The following CSMD3 variants were observed in gnomAD, a reference collection of about 807,000 sequenced individuals.
The protein encoded by CSMD3 is CUB and Sushi multiple domains 3.
In CSMD3, 177 loss-of-function variants were observed where a neutral mutation model predicts 435.2. That is an observed-to-expected ratio of 0.41 (90% CI 0.36 to 0.46). The LOEUF is 0.46. Ranked by LOEUF, CSMD3 falls within the 20% of genes least tolerant of loss-of-function variation. The probability of loss-of-function intolerance (pLI) is 0.34; values close to 1 mark genes in which losing one functional copy is unlikely to be tolerated. For synonymous variants in CSMD3, 1,656 were observed against 1,520.5 expected (o/e 1.09, Z -2.07); for missense variants, 4,265 against 4,504.6 (o/e 0.95, Z 1.52).
At chr8:112,827,551 A>T (rs146582499) in intron 12 of CSMD3, among the ~76,000 whole-genome samples, 1 of 152,172 alleles carries the variant, frequency 6.6e-6, no homozygotes, top group Non-Finnish European at 1.5e-5. Flanking sequence ...TCTAAAGTGC[A>T]TGTGATAGGA....
intron 22 of CSMD3, among the ~76,000 whole-genome samples, chr8:112,612,645 T>C (rs1833347222): frequency 6.6e-6 from 1 of 151,614 alleles, no homozygotes; most frequent in Non-Finnish European, 1.5e-5. Context: ...AACATTGTGA[T>C]CCTGCATGTA....
intron 1 of CSMD3, among the ~76,000 whole-genome samples, chr8:113,413,787 A>C (rs113856055): frequency 0.012 from 1,845 of 152,292 alleles, 27 homozygotes; most frequent in African/African-American, 0.041. Flanking sequence ...TAAGTGATGT[A>C]ACATGTACAG....
intron 1 of CSMD3, among the ~76,000 whole-genome samples, chr8:113,328,360 T>C (rs13250171): frequency 0.93 from 136,998 of 146,692 alleles, 64,069 homozygotes; most frequent in East Asian, 1. Flanking sequence ...ATGGCGTGAA[T>C]CCGGGAGGCG....
intron 5 of CSMD3, among the ~76,000 whole-genome samples, chr8:113,078,933 T>G (rs2089450245): frequency 1.3e-5 from 2 of 152,114 alleles, no homozygotes; most frequent in South Asian, 4.1e-4. Flanking sequence ...AGAGTCCTAG[T>G]TAATATGTAC....
intron 31 of CSMD3, among the ~76,000 whole-genome samples, chr8:112,481,211 A>G (rs1018070785): frequency 8.5e-5 from 13 of 152,106 alleles, no homozygotes; most frequent in African/African-American, 3.1e-4. Context: ...AGAAAAGAAG[A>G]AGGAGGAGGA....
At chr8:112,942,016 A>G (rs1300844245) in intron 9 of CSMD3, among the ~76,000 whole-genome samples, 1 of 151,706 alleles carries the variant, frequency 6.6e-6, no homozygotes, top group Non-Finnish European at 1.5e-5. Context: ...GTTTTGACAA[A>G]CACATAGTGT....
intron 2 of CSMD3, chr8:113,311,865 T>C (rs764706462): frequency 2.0e-5 from 3 of 152,100 alleles, no homozygotes; most frequent in African/African-American, 7.2e-5. Context: ...TATTATAACA[T>C]AGACTACATG....
intron 38 of CSMD3, among the ~76,000 whole-genome samples, chr8:112,360,807 G>A (rs1313769107): frequency 6.6e-6 from 1 of 151,890 alleles, no homozygotes; most frequent in Admixed American, 6.6e-5. Context: ...ACTGATTTGT[G>A]TTAGGGAAGA....
intron 4 of CSMD3, among the ~76,000 whole-genome samples, chr8:113,166,186 C>T (rs1022722490): frequency 1.3e-5 from 2 of 151,960 alleles, no homozygotes; most frequent in African/African-American, 2.4e-5. Flanking sequence ...AGAAATGTGA[C>T]TTGTGTGTAG....
At chr8:112,485,273 CA>C (rs1472529931) in intron 31 of CSMD3, among the ~76,000 whole-genome samples, 1 of 152,082 alleles carries the variant, frequency 6.6e-6, no homozygotes, top group Non-Finnish European at 1.5e-5. Context: ...AAAACCTTTC[CA>C]ACACATAATC....
At chr8:112,248,184 G>A (rs550748818) in intron 63 of CSMD3, among the ~76,000 whole-genome samples, 1 of 152,002 alleles carries the variant, frequency 6.6e-6, no homozygotes, top group South Asian at 2.1e-4. Flanking sequence ...TATTTGTATT[G>A]AAATCTGTTT....
At chr8:112,436,866 T>C (rs1010245849) in intron 32 of CSMD3, among the ~76,000 whole-genome samples, 1 of 152,044 alleles carries the variant, frequency 6.6e-6, no homozygotes, top group Non-Finnish European at 1.5e-5. Flanking sequence ...AAAGGAAATG[T>C]GTTACAAATG....
chr8:112,960,227 T>C (rs1479697567), intron 7 of CSMD3, among the ~76,000 whole-genome samples: 3 of 151,822 alleles, frequency 2.0e-5, no homozygotes, highest in Middle Eastern at 3.4e-3. Flanking sequence ...ACAAAACACT[T>C]TTCAGAACAT....
chr8:112,314,954 G>A (rs1425700115), intron 47 of CSMD3, among the ~76,000 whole-genome samples: 1 of 151,732 alleles, frequency 6.6e-6, no homozygotes, highest in African/African-American at 2.4e-5. Flanking sequence ...ACCTCTGCCT[G>A]TCTTATCTAT....
chr8:112,456,318 A>G (rs1816838817), intron 32 of CSMD3, among the ~76,000 whole-genome samples: 5 of 152,128 alleles, frequency 3.3e-5, no homozygotes. Flanking sequence ...AAGTTTTAGA[A>G]TTTAGCAAAT....
In CSMD3 at chr8:112,393,009, G is replaced by C. The variant is rs182062532; in HGVS notation, c.5810-2221C>G. 3.2e-4 allele frequency among the ~76,000 whole-genome samples: 49 copies of C among 151,806 alleles called. No homozygotes were observed. In the East Asian group the frequency reaches 8.7e-3, roughly 27 times the overall value. ...GCCTACAGAGTAGCTAGGACTACAG[G>C]TGTGTGCCATCACACCCAGCTAATT... On this transcript the variant is annotated intron_variant, in intron 35 of 70. Transcript: ENST00000297405.
rs113248313 is a variant in CSMD3 at position 112,975,919 on chromosome 8, T to G, written c.1260A>C (p.Ala420=). 274 of 1,614,064 alleles carry G rather than the reference T, an allele frequency of 1.7e-4. 2 individuals are homozygous for G. The African/African-American group carries it at 3.0e-3, about 18-fold the overall frequency. ...TSKDGLSPHP[A]DTQSTRRRPR... ...GTCTTCTCCTGGTACTTTGTGTATC[T>G]GCTGGATGAGGAGAGAGCCCGTCCT... The change falls in exon 7 of 71, where the codon GCA becomes GCC. Residue 420 remains alanine (A), a synonymous_variant. Coordinates refer to ENST00000297405, the MANE Select transcript of CSMD3 (RefSeq NM_198123.2).
rs1160215671 is a variant in CSMD3 at position 112,597,769 on chromosome 8, CAT to C, written c.3716-10536_3716-10535del. Among the ~76,000 whole-genome samples the C allele has an allele frequency of 2.6e-4, 33 of 127,716 alleles. 1 individual carries two copies. In the East Asian group the frequency reaches 6.8e-3, roughly 26 times the overall value. 83.8% of individuals were successfully genotyped at this position (127,716 alleles called of 152,430 possible). On this transcript the variant is annotated intron_variant, in intron 22 of 70. Transcript: ENST00000297405. ...TAAACAGAGCCAAAGACAAAAACCACATGATTATCTCAATAGATGCAGAAAAA... is the reference window on the plus strand; with the variant it reads ...TAAACAGAGCCAAAGACAAAAACCACGATTATCTCAATAGATGCAGAAAAA...
chr8:112,565,864 T>G (rs2131269678), intron 24 of CSMD3, among the ~76,000 whole-genome samples: 1 of 152,128 alleles, frequency 6.6e-6, no homozygotes, highest in Non-Finnish European at 1.5e-5. Flanking sequence ...AATCTGTAAT[T>G]AAATAATCTT....
Sources: allele counts gnomAD v4.1 joint callset (sites outside exome capture counted in the v4.1 genomes callset), GRCh38; gene constraint gnomAD v4.1.1; transcripts MANE v1.5; gene names NCBI Gene and HGNC (gene_info 2026-07-23, HGNC 2026-07-21).